Variants in MECOM observed in about 807,000 individuals in gnomAD.
The protein encoded by MECOM is histone-lysine N-methyltransferase MECOM.
In MECOM, 13 loss-of-function variants were observed where a neutral mutation model predicts 116.3. That is an observed-to-expected ratio of 0.11 (90% CI 0.07 to 0.18). MECOM has a LOEUF of 0.18. Among genes scored for constraint, MECOM ranks in the 10% least tolerant of loss-of-function variants. The pLI is 1.00. For synonymous variants in MECOM, 528 were observed against 535.2 expected, an observed-to-expected ratio of 0.99 and a Z score of 0.19; for missense variants, 1,299 against 1,509.0, an observed-to-expected ratio of 0.86 and a Z score of 2.31.
At chr3:169,601,329 G>A (rs951075694) in intron 1 of MECOM, among the ~76,000 whole-genome samples, 1 of 152,206 alleles carries the variant, frequency 6.6e-6, no homozygotes, top group Non-Finnish European at 1.5e-5. Flanking sequence ...AGAACCTGGA[G>A]GTTCTGCCGA....
intron 1 of MECOM, among the ~76,000 whole-genome samples, chr3:169,539,087 T>C (rs1362771): frequency 0.21 from 31,507 of 151,832 alleles, 4,384 homozygotes; most frequent in East Asian, 0.69. Flanking sequence ...TTCTTCTATA[T>C]ACATATGAAA....
At chr3:169,124,761 G>C (rs4407439) in intron 5 of MECOM, among the ~76,000 whole-genome samples, 134,714 of 152,122 alleles carry the variant, frequency 0.89, 59,780 homozygotes, top group Admixed American at 0.9. Context: ...AATCCTATCC[G>C]CTCTCTAGTT....
intron 1 of MECOM, among the ~76,000 whole-genome samples, chr3:169,508,033 G>A (rs1044051202): frequency 2.4e-4 from 36 of 152,142 alleles, no homozygotes; most frequent in Non-Finnish European, 2.9e-5. Context: ...AATCCATGGA[G>A]AAAAGAACTC....
intron 2 of MECOM, among the ~76,000 whole-genome samples, chr3:169,162,657 G>A (rs141972714): frequency 2.1e-4 from 32 of 152,212 alleles, no homozygotes; most frequent in African/African-American, 7.2e-4. Context: ...TCATCCTCAC[G>A]TAATCATCCT....
rs763475579 is a variant in MECOM at position 169,379,613 on chromosome 3, TTA to T, written c.375+1572_375+1573del. On this transcript the variant is annotated intron_variant, in intron 2 of 16. Coordinates refer to ENST00000651503, the MANE Select transcript of MECOM (RefSeq NM_004991.4). ...AGGTTCATCCACCAATCCATAGGTATTATGTTTAAAACGGCACAGTCCTGCAT... is the reference window on the plus strand; with the variant it reads ...AGGTTCATCCACCAATCCATAGGTATTGTTTAAAACGGCACAGTCCTGCAT... 1.4e-4 allele frequency among the ~76,000 whole-genome samples: 22 copies of T among 152,288 alleles called. No individual in the cohort carries two copies. In the South Asian group the frequency reaches 2.9e-3, roughly 20 times the overall value.
At position 169,602,924 on chromosome 3, in the gene MECOM, G is replaced by T. The variant is rs886992953; in HGVS notation, c.37+60412C>A. On this transcript the variant is annotated intron_variant, in intron 1 of 16. Coordinates refer to ENST00000651503, the MANE Select transcript of MECOM (RefSeq NM_004991.4). ...TCCATAGAAATGTTTATTATATGTGGTGAATAAGTTCACAGGCTAGCCCCC... is the reference window on the plus strand; with the variant it reads ...TCCATAGAAATGTTTATTATATGTGTTGAATAAGTTCACAGGCTAGCCCCC... Among the ~76,000 whole-genome samples, 4 of 152,214 alleles carry T rather than the reference G, an allele frequency of 2.6e-5. 1 individual carries two copies. The highest frequency in any genetic ancestry group is 2.0e-4 in the Admixed American group (3 of 15,288).
intron 2 of MECOM, among the ~76,000 whole-genome samples, chr3:169,309,201 T>A (rs1718292734): frequency 6.6e-6 from 1 of 152,200 alleles, no homozygotes; most frequent in Admixed American, 6.5e-5. Context: ...GTAACACTAT[T>A]TTAAACAAAG....
chr3:169,133,578 T>C (rs770899376), intron 3 of MECOM: 1 of 172,742 alleles, frequency 5.8e-6, no homozygotes, highest in Non-Finnish European at 1.3e-5. Flanking sequence ...TAATATGTTA[T>C]AATATAACCT....
chr3:169,530,204 A>T (rs1460288211), intron 1 of MECOM, among the ~76,000 whole-genome samples: 1 of 152,222 alleles, frequency 6.6e-6, no homozygotes, highest in East Asian at 1.9e-4. Context: ...GGCTGAGCAG[A>T]GGTTCCCAGT....
intron 2 of MECOM, among the ~76,000 whole-genome samples, chr3:169,279,649 T>G (rs1311844339): frequency 1.3e-5 from 2 of 152,234 alleles, no homozygotes; most frequent in Admixed American, 6.5e-5. Flanking sequence ...CATACCGTTT[T>G]GTTTCATGTA....
chr3:169,114,875 T>C (rs6784803), intron 8 of MECOM, among the ~76,000 whole-genome samples: 90,231 of 151,906 alleles, frequency 0.59, 27,007 homozygotes, highest in Admixed American at 0.67. Context: ...TATTCTGTGA[T>C]TAATATTTCA....
chr3:169,268,078 T>A (rs1758527774), intron 2 of MECOM, among the ~76,000 whole-genome samples: 1 of 152,152 alleles, frequency 6.6e-6, no homozygotes, highest in Non-Finnish European at 1.5e-5. Context: ...CTATACAAAT[T>A]TTCCAGGTTC....
intron 1 of MECOM, among the ~76,000 whole-genome samples, chr3:169,587,134 G>A (rs982414315): frequency 1.3e-5 from 2 of 152,084 alleles, no homozygotes; most frequent in East Asian, 1.9e-4. Flanking sequence ...CTAATAAAAG[G>A]TGGGGTCAGC....
intron 1 of MECOM, among the ~76,000 whole-genome samples, chr3:169,619,225 C>A (rs900029264): frequency 2.0e-5 from 3 of 152,226 alleles, no homozygotes; most frequent in Non-Finnish European, 4.4e-5. Context: ...GGCCGCAGCG[C>A]ATCCCCAGTC....
chr3:169,543,978 T>C (rs1220243620), intron 1 of MECOM, among the ~76,000 whole-genome samples: 1 of 152,192 alleles, frequency 6.6e-6, no homozygotes, highest in Non-Finnish European at 1.5e-5. Context: ...CTCTGCCTCC[T>C]GGGTTCAAGT....
At chr3:169,254,403 G>A (rs188078970) in intron 2 of MECOM, among the ~76,000 whole-genome samples, 47 of 152,188 alleles carry the variant, frequency 3.1e-4, no homozygotes, top group East Asian at 1.7e-3. Flanking sequence ...TTCTACCTAA[G>A]GCAGCAGACA....
intron 2 of MECOM, among the ~76,000 whole-genome samples, chr3:169,269,505 G>T (rs769340858): frequency 6.6e-6 from 1 of 152,122 alleles, no homozygotes; most frequent in South Asian, 2.1e-4. Context: ...AACTCAAAAC[G>T]CACTCAGGGT....
At chr3:169,354,156 T>G (rs991858868) in intron 2 of MECOM, among the ~76,000 whole-genome samples, 28 of 151,882 alleles carry the variant, frequency 1.8e-4, no homozygotes, top group African/African-American at 6.8e-4. Flanking sequence ...AATTAAAATA[T>G]TGTTAGAAAA....
chr3:169,209,272 T>C (rs1010382319), intron 2 of MECOM, among the ~76,000 whole-genome samples: 3 of 152,038 alleles, frequency 2.0e-5, no homozygotes, highest in Non-Finnish European at 2.9e-5. Flanking sequence ...ACCTAGGCAA[T>C]ACCATTCAGG....
Sources: gnomAD v4.1 joint callset for allele counts (sites outside exome capture counted in the v4.1 genomes callset) on GRCh38, gnomAD v4.1.1 for gene constraint, MANE v1.5 for transcripts, NCBI Gene and HGNC (gene_info 2026-07-23, HGNC 2026-07-21) for gene names.